The following CLMP variants were observed in gnomAD, a reference collection of about 807,000 sequenced individuals.
The protein encoded by CLMP is CXADR like cell adhesion molecule.
A neutral mutation model predicts 45.2 loss-of-function variants in CLMP; 27 were observed. That is an observed-to-expected ratio of 0.60 (90% confidence interval 0.44 to 0.82). CLMP has a LOEUF of 0.82. Ranked by LOEUF, CLMP falls within the 40% of genes least tolerant of loss-of-function variation. The probability of loss-of-function intolerance (pLI) is 0.00; values close to 1 mark genes in which losing one functional copy is unlikely to be tolerated. For missense variants in CLMP, 403 were observed against 448.4 expected (o/e 0.90, Z 0.91); for synonymous variants, 167 against 171.4 (o/e 0.97, Z 0.20).
At chr11:123,086,778 A>T (rs1388062194) in intron 2 of CLMP, among the ~76,000 whole-genome samples, 1 of 151,934 alleles carries the variant, frequency 6.6e-6, no homozygotes, top group East Asian at 1.9e-4. Context: ...ACTTTGGGAG[A>T]CCAAGGCTGG....
intron 1 of CLMP, among the ~76,000 whole-genome samples, chr11:123,140,979 C>G (rs1471033755): frequency 6.6e-6 from 1 of 151,990 alleles, no homozygotes; most frequent in East Asian, 1.9e-4. Context: ...TTGAAAGGAG[C>G]CTGGCATCCC....
chr11:123,100,382 GA>G (rs534661450), intron 1 of CLMP, among the ~76,000 whole-genome samples: 27,067 of 135,632 alleles, frequency 0.2, 2,545 homozygotes, highest in East Asian at 0.36. Flanking sequence ...CTCCCTCTCA[GA>G]AAAAAAAAAA....
At chr11:123,137,516 G>A (rs1005178602) in intron 1 of CLMP, among the ~76,000 whole-genome samples, 3 of 152,096 alleles carry the variant, frequency 2.0e-5, no homozygotes, top group Non-Finnish European at 4.4e-5. Flanking sequence ...CAGAGGCCGA[G>A]CTTGGACCAT....
intron 1 of CLMP, among the ~76,000 whole-genome samples, chr11:123,121,578 G>A (rs745592332): frequency 4.6e-5 from 7 of 151,680 alleles, no homozygotes; most frequent in Non-Finnish European, 1.0e-4. Context: ...GATTACAGGT[G>A]TGAGCCACCT....
At chr11:123,153,886 A>T (rs959996239) in intron 1 of CLMP, among the ~76,000 whole-genome samples, 1 of 142,104 alleles carries the variant, frequency 7.0e-6, no homozygotes, top group East Asian at 2.0e-4. Flanking sequence ...GGGTTTCACC[A>T]TGTTGGCCAG....
At chr11:123,124,217 T>C (rs1317186380) in intron 1 of CLMP, among the ~76,000 whole-genome samples, 1 of 152,180 alleles carries the variant, frequency 6.6e-6, no homozygotes, top group Non-Finnish European at 1.5e-5. Context: ...GGTCTTGCTA[T>C]GTTCCCTAGG....
At chr11:123,193,030 C>T (rs553402247) in intron 1 of CLMP, 2 of 152,326 alleles carry the variant, frequency 1.3e-5, no homozygotes, top group African/African-American at 4.8e-5. Flanking sequence ...ATAGGTCACG[C>T]TGACATCTTA....
intron 1 of CLMP, among the ~76,000 whole-genome samples, chr11:123,150,467 GAAAGAAAGAAAGA>G (rs1861303511): frequency 2.7e-3 from 277 of 103,340 alleles, no homozygotes; most frequent in Non-Finnish European, 4.3e-3. Flanking sequence ...AAGAAAGAAA[GAAAGAAAGAAAGA>G]AAGGAAGGAA....
intron 1 of CLMP, among the ~76,000 whole-genome samples, chr11:123,164,567 GT>G (rs1271978266): frequency 1.3e-5 from 2 of 151,088 alleles, no homozygotes; most frequent in East Asian, 3.9e-4. Context: ...GCCTCCCAAA[GT>G]GCTGGAGTTA....
chr11:123,141,333 C>T (rs12289191), intron 1 of CLMP, among the ~76,000 whole-genome samples: 63,052 of 151,300 alleles, frequency 0.42, 14,226 homozygotes, highest in African/African-American at 0.59. Context: ...TACAGGCACC[C>T]GCCACCACGC....
rs1363909530 is a variant in CLMP at position 123,083,812 on chromosome 11, C to G, written c.424G>C (p.Glu142Gln). 6.2e-7 allele frequency: 1 copy of G among 1,613,602 alleles called. No individual in the cohort carries two copies. Residue 142 changes from glutamate (E) to glutamine (Q), a missense_variant, in exon 4 of 7, where the codon GAG becomes CAG. Glu to Gln is a conservative substitution (Grantham distance 29). Coordinates refer to ENST00000448775, the MANE Select transcript of CLMP (RefSeq NM_024769.5). ...GTCAGGTCACTTCCTTCTGTCAGCT[C>G]TCCTTCCAACTCACACTTGGGCTTG... ...PSKPKCELEGELTEGSDLTLQ... is the reference protein window; with the variant it reads ...PSKPKCELEGQLTEGSDLTLQ...
At chr11:123,178,164 C>G (rs1861724143) in intron 1 of CLMP, among the ~76,000 whole-genome samples, 1 of 152,158 alleles carries the variant, frequency 6.6e-6, no homozygotes. Flanking sequence ...GGTGCCTGGG[C>G]CAAATCTTGT....
chr11:123,081,284 A>T (rs1425156591), intron 5 of CLMP, among the ~76,000 whole-genome samples: 4 of 152,192 alleles, frequency 2.6e-5, no homozygotes, highest in African/African-American at 9.7e-5. Context: ...GAGACAATGT[A>T]ACAAAGATTA....
chr11:123,192,078 TAAG>T (rs1861915531), intron 1 of CLMP, among the ~76,000 whole-genome samples: 1 of 152,084 alleles, frequency 6.6e-6, no homozygotes, highest in African/African-American at 2.4e-5. Flanking sequence ...TGGCAGGAAA[TAAG>T]GAGGCAGTTT....
At chr11:123,103,554 G>A (rs1308609595) in intron 1 of CLMP, among the ~76,000 whole-genome samples, 1 of 152,032 alleles carries the variant, frequency 6.6e-6, no homozygotes, top group African/African-American at 2.4e-5. Flanking sequence ...GCCCCTCTGT[G>A]AATACAAATG....
intron 1 of CLMP, among the ~76,000 whole-genome samples, chr11:123,136,827 C>T (rs1183559367): frequency 6.6e-6 from 1 of 151,714 alleles, no homozygotes; most frequent in African/African-American, 2.4e-5. Flanking sequence ...CCTCGGCCTC[C>T]CAAGTGTTGA....
rs758504860 is a variant in CLMP at position 123,084,535 on chromosome 11, C to G, written c.365G>C (p.Ser122Thr). 1 of 1,614,158 alleles carries G rather than the reference C, an allele frequency of 6.2e-7. No individual in the cohort carries two copies. The highest frequency in any genetic ancestry group is 8.5e-7 in the Non-Finnish European group (1 of 1,180,002). The change falls in exon 3 of 7, where the codon AGC (serine) becomes ACC (threonine). Residue 122 changes from serine to threonine, a missense_variant. Physicochemically the swap from Ser to Thr is moderately conservative, Grantham distance 58. Coordinates refer to ENST00000448775, the MANE Select transcript of CLMP (RefSeq NM_024769.5). ...KVKNSGRYVW[S>T]HVILKVLVRP... Reference sequence around the variant, plus strand: ...ACCTAAGACTTTTAAGATGACATGGCTCCACACGTAGCGCCCTGAATTCTT... The same window carrying G: ...ACCTAAGACTTTTAAGATGACATGGGTCCACACGTAGCGCCCTGAATTCTT...
intron 1 of CLMP, among the ~76,000 whole-genome samples, chr11:123,114,881 T>C (rs12277105): frequency 0.32 from 48,656 of 151,866 alleles, 8,639 homozygotes; most frequent in African/African-American, 0.48. Context: ...TCGCACAGAT[T>C]ACGAGGAATT....
At chr11:123,171,732 C>T (rs1322316578) in intron 1 of CLMP, among the ~76,000 whole-genome samples, 32 of 152,118 alleles carry the variant, frequency 2.1e-4, no homozygotes, top group Admixed American at 2.1e-3. Context: ...GCATGAGCCA[C>T]CGCGCTCGGC....
Sources: allele counts gnomAD v4.1 joint callset (sites outside exome capture counted in the v4.1 genomes callset), GRCh38; gene constraint gnomAD v4.1.1; transcripts MANE v1.5; gene names NCBI Gene and HGNC (gene_info 2026-07-23, HGNC 2026-07-21).